The following TXNL1 variants were observed in gnomAD, a reference collection of about 807,000 sequenced individuals.
The protein encoded by TXNL1 is thioredoxin-like protein 1.
Under a neutral mutation model 35.5 loss-of-function variants are expected in TXNL1, and 14 were observed. That is an observed-to-expected ratio of 0.39 (90% CI 0.26 to 0.62). The LOEUF is 0.62. Ranked by LOEUF, TXNL1 falls within the 20% of genes least tolerant of loss-of-function variation. The probability of loss-of-function intolerance (pLI) is 0.47; values close to 1 mark genes in which losing one functional copy is unlikely to be tolerated. For missense variants in TXNL1, 263 were observed against 349.7 expected, an observed-to-expected ratio of 0.75 and a Z score of 1.98; for synonymous variants, 110 against 115.5, an observed-to-expected ratio of 0.95 and a Z score of 0.31.
At position 56,601,386 on chromosome 18, in the gene TXNL1, C is replaced by CAA. The variant is rs1239744865; in HGVS notation, c.*1639_*1640dup. 3 of 152,108 alleles carry CAA rather than the reference C, an allele frequency of 2.0e-5. No individual in the cohort carries two copies. Among genetic ancestry groups the CAA allele is most frequent in the Non-Finnish European group, 2.9e-5 (2 of 68,014 alleles). 9.4% of individuals were successfully genotyped at this position (152,108 alleles called of 1,614,324 possible). A position where few individuals can be genotyped will look rare whatever the true frequency, so the allele number is the denominator to read the frequency against. ...TTGTTTCACTGGGTTTTCAAACTAT[C>CAA]AAGTATAAATAGGAAAAGGTCAGCA... On this transcript the variant is annotated 3_prime_UTR_variant, in exon 8 of 8. Coordinates refer to ENST00000217515, the MANE Select transcript of TXNL1 (RefSeq NM_004786.3).
chr18:56,637,978 G>T (rs759623714), intron 1 of TXNL1, among the ~76,000 whole-genome samples: 2 of 152,228 alleles, frequency 1.3e-5, no homozygotes, highest in Non-Finnish European at 2.9e-5. Context: ...GCAAATGACA[G>T]CTGGCTCTGC....
chr18:56,629,071 A>T (rs1455832010), intron 1 of TXNL1, among the ~76,000 whole-genome samples: 1 of 152,268 alleles, frequency 6.6e-6, no homozygotes, highest in African/African-American at 2.4e-5. Context: ...AGATGAACAC[A>T]AGCCAAGACC....
chr18:56,614,632 A>G, intron 5 of TXNL1, 36 bp from the exon 6 acceptor site: 1 of 1,549,678 alleles, frequency 6.5e-7, no homozygotes, highest in Non-Finnish European at 8.8e-7. Flanking sequence ...ATGTTTAAAA[A>G]CCTCAAATAT....
intron 1 of TXNL1, among the ~76,000 whole-genome samples, chr18:56,630,136 T>G (rs1209629497): frequency 1.3e-5 from 2 of 151,522 alleles, no homozygotes; most frequent in Non-Finnish European, 2.9e-5. Flanking sequence ...AAGGTTGTAG[T>G]TAAGCCAAGG....
intron 1 of TXNL1, among the ~76,000 whole-genome samples, chr18:56,629,955 T>C (rs536780939): frequency 2.0e-4 from 31 of 152,214 alleles, no homozygotes; most frequent in Admixed American, 1.4e-3. Flanking sequence ...TCTCAGCACT[T>C]TGGGAGGCCA....
chr18:56,611,154 A>C, intron 6 of TXNL1, 57 bp from the exon 7 acceptor site: 6 of 1,138,142 alleles, frequency 5.3e-6, no homozygotes, highest in African/African-American at 1.6e-5. Flanking sequence ...ACATGCTTTA[A>C]GTTTAATCAA....
chr18:56,637,292 A>G (rs994560760), intron 1 of TXNL1, among the ~76,000 whole-genome samples: 5 of 152,232 alleles, frequency 3.3e-5, no homozygotes, highest in African/African-American at 1.2e-4. Context: ...TTTTGTGTTT[A>G]TACAGTTATT....
intron 7 of TXNL1, chr18:56,609,756 T>TA (rs1180117050): frequency 6.6e-6 from 1 of 152,206 alleles, no homozygotes; most frequent in African/African-American, 2.4e-5. Context: ...TTTCATATCG[T>TA]AAAAATGTAG....
chr18:56,617,241 T>C lies in TXNL1; in HGVS notation c.492+763A>G, dbSNP rs77560510. ...CCTTTAGTTACACCAATACTTTTTA[T>C]ACTTGACCCATAATAGTGTATCAAA... On this transcript the variant is annotated intron_variant, in intron 4 of 7. Coordinates refer to ENST00000217515, the MANE Select transcript of TXNL1 (RefSeq NM_004786.3). Among the ~76,000 whole-genome samples the C allele has an allele frequency of 3.2e-3, 484 of 152,322 alleles. 1 individual carries two copies. The highest frequency in any genetic ancestry group is 0.01 in the African/African-American group (433 of 41,570).
intron 1 of TXNL1, among the ~76,000 whole-genome samples, chr18:56,628,670 T>C (rs969882658): frequency 3.3e-5 from 5 of 152,196 alleles, no homozygotes; most frequent in African/African-American, 1.2e-4. Flanking sequence ...GAGTTACTGA[T>C]AGAATAAGAC....
At chr18:56,608,222 G>A (rs2023933607) in intron 7 of TXNL1, 1 of 152,094 alleles carries the variant, frequency 6.6e-6, no homozygotes, top group Non-Finnish European at 1.5e-5. Flanking sequence ...AAATCTATCT[G>A]TACAAGGACT....
chr18:56,606,535 T>G (rs1162723666), intron 7 of TXNL1, among the ~76,000 whole-genome samples: 1 of 152,234 alleles, frequency 6.6e-6, no homozygotes, highest in Admixed American at 6.5e-5. Context: ...TTTTCCATTC[T>G]ATCAAGGGTG....
chr18:56,621,489 C>A (rs1470810475), intron 3 of TXNL1, among the ~76,000 whole-genome samples: 1 of 152,056 alleles, frequency 6.6e-6, no homozygotes, highest in African/African-American at 2.4e-5. Context: ...CCACCACACG[C>A]CCAGCCCACA....
Position 56,603,021 on chromosome 18 carries a change from T to C in TXNL1, c.*6A>G. The C allele has an allele frequency of 1.2e-6, 2 of 1,613,860 alleles. No homozygotes were observed. The highest frequency in any genetic ancestry group is 4.5e-5 in the East Asian group (2 of 44,828). ...TGCAATATGGTTGTCCAGTGTCTTT[T>C]GTACCTTAGTGGCTTTCTCCTTTTT... On this transcript the variant is annotated 3_prime_UTR_variant, in exon 8 of 8. Transcript: ENST00000217515.
chr18:56,631,346 T>C (rs1401440433), intron 1 of TXNL1, among the ~76,000 whole-genome samples: 2 of 152,212 alleles, frequency 1.3e-5, no homozygotes, highest in East Asian at 1.9e-4. Flanking sequence ...CCCAGTATGC[T>C]TGAATTTCAG....
Position 56,602,957 on chromosome 18 carries a change from G to T in TXNL1, c.*70C>A. 6.8e-7 allele frequency: 1 copy of T among 1,475,484 alleles called. No individual in the cohort carries two copies. Among genetic ancestry groups the T allele is most frequent in the Non-Finnish European group, 9.5e-7 (1 of 1,054,666 alleles). The allele number at this position is 1,475,484 out of a possible 1,614,324, so 91.4% of individuals were successfully genotyped here. A position where few individuals can be genotyped will look rare whatever the true frequency, so the allele number is the denominator to read the frequency against. Reference sequence around the variant, plus strand: ...ATGAATGAAACATTGACAGTCTCTGGCGAGAATCAAGCAATTATCCAGGAG... The same window carrying T: ...ATGAATGAAACATTGACAGTCTCTGTCGAGAATCAAGCAATTATCCAGGAG... On this transcript the variant is annotated 3_prime_UTR_variant, in exon 8 of 8. Transcript: ENST00000217515.
rs757928388 is a variant in TXNL1 at position 56,603,091 on chromosome 18, T to C, written c.841-35A>G. 5 of 1,555,842 alleles carry C rather than the reference T, an allele frequency of 3.2e-6. No homozygotes were observed. In the South Asian group the frequency reaches 5.6e-5, roughly 17 times the overall value. Reference sequence around the variant, plus strand: ...CAAAAATAAGTTTATATGTACATCCTATTGATTTTAAATATGAGTTATTAA... The same window carrying C: ...CAAAAATAAGTTTATATGTACATCCCATTGATTTTAAATATGAGTTATTAA... On this transcript the variant is annotated intron_variant, in intron 7 of 7. Transcript: ENST00000217515.
intron 4 of TXNL1, among the ~76,000 whole-genome samples, chr18:56,617,263 C>G (rs2024103437): frequency 6.6e-6 from 1 of 151,924 alleles, no homozygotes; most frequent in African/African-American, 2.4e-5. Context: ...AATAGTGTAT[C>G]AAAAAATAAT....
Position 56,638,392 on chromosome 18 carries a change from G to A in TXNL1, c.49C>T (p.Leu17=). 2 of 1,613,672 alleles carry A rather than the reference G, an allele frequency of 1.2e-6. No individual in the cohort carries two copies. The highest frequency in any genetic ancestry group is 1.7e-6 in the Non-Finnish European group (2 of 1,179,786). Residue 17 remains leucine (L), a synonymous_variant, in exon 1 of 8, where the codon CTG becomes TTG. Transcript: ENST00000217515. ...VGSDPDFQPE[L]SGAGSRLAVV... is the part of the protein sequence containing the mutation. Reference sequence around the variant, plus strand: ...GCGAGTCTGGAGCCCGCGCCGCTCAGCTCTGGCTGGAAATCCGGGTCGCTC... The same window carrying A: ...GCGAGTCTGGAGCCCGCGCCGCTCAACTCTGGCTGGAAATCCGGGTCGCTC...
Sources: allele counts gnomAD v4.1 joint callset (sites outside exome capture counted in the v4.1 genomes callset), GRCh38; gene constraint gnomAD v4.1.1; transcripts MANE v1.5; gene names NCBI Gene and HGNC (gene_info 2026-07-23, HGNC 2026-07-21).